Variants in ZNF146 observed in about 807,000 individuals in gnomAD.
ZNF146 encodes the protein zinc finger protein OZF.
ZNF146 carries 9 observed loss-of-function variants against 22.2 expected under a neutral mutation model. That is an observed-to-expected ratio of 0.41 (90% CI 0.24 to 0.71). The LOEUF (loss-of-function observed/expected upper bound fraction) is 0.71, where lower values mean the gene tolerates loss of function less well. Among genes scored for constraint, ZNF146 ranks in the 30% least tolerant of loss-of-function variants. The pLI is 0.34. For missense variants in ZNF146, 194 were observed against 344.8 expected (o/e 0.56, Z 3.46); for synonymous variants, 108 against 119.2 (o/e 0.91, Z 0.61).
chr19:36,221,368 A>G (rs1284021541), intron 2 of ZNF146, among the ~76,000 whole-genome samples: 1 of 139,870 alleles, frequency 7.1e-6, no homozygotes, highest in African/African-American at 2.8e-5. Context: ...GGCTCACTGC[A>G]AGCTCCGCCT....
intron 2 of ZNF146, among the ~76,000 whole-genome samples, chr19:36,228,270 T>TG (rs1977168810): frequency 1.1e-5 from 1 of 89,370 alleles, no homozygotes; most frequent in African/African-American, 4.8e-5. Flanking sequence ...TCAGAACAAC[T>TG]TCTTCACATT....
chr19:36,236,265 T>G lies in ZNF146; in HGVS notation c.-176T>G. 1.4e-6 allele frequency: 1 copy of G among 732,428 alleles called. No individual in the cohort carries two copies. The highest frequency in any genetic ancestry group is 2.1e-6 in the Non-Finnish European group (1 of 472,086). 45.4% of individuals were successfully genotyped at this position (732,428 alleles called of 1,614,324 possible). On this transcript the variant is annotated 5_prime_UTR_variant, in exon 4 of 4. Coordinates refer to ENST00000443387, the MANE Select transcript of ZNF146 (RefSeq NM_007145.3). ...GAGAGAAAGCATTGAATATACTGAG[T>G]ATGATAACATTTCCTCTCAAACCTT...
At chr19:36,232,069 G>T (rs1977399360) in intron 3 of ZNF146, among the ~76,000 whole-genome samples, 1 of 151,818 alleles carries the variant, frequency 6.6e-6, no homozygotes, top group African/African-American at 2.4e-5. Flanking sequence ...TGGGCGTGGT[G>T]ATGCACACCT....
chr19:36,225,482 G>T (rs2087516970), intron 2 of ZNF146, among the ~76,000 whole-genome samples: 1 of 151,344 alleles, frequency 6.6e-6, no homozygotes, highest in Non-Finnish European at 1.5e-5. Flanking sequence ...TTATGTTTCA[G>T]TTTTCATCTG....
In ZNF146 at chr19:36,236,318, T is replaced by C; in HGVS notation, c.-123T>C. ...CCCTTACTCTGCATTTGGGAGATCA[T>C]ACACAGAGAAGCCTTATAAATGTAA... On this transcript the variant is annotated 5_prime_UTR_variant, in exon 4 of 4. Coordinates refer to ENST00000443387, the MANE Select transcript of ZNF146 (RefSeq NM_007145.3). 8.5e-7 allele frequency: 1 copy of C among 1,176,366 alleles called. No individual in the cohort carries two copies. Among genetic ancestry groups the C allele is most frequent in the South Asian group, 1.6e-5 (1 of 61,268 alleles). 72.9% of individuals were successfully genotyped at this position (1,176,366 alleles called of 1,614,324 possible). A position where few individuals can be genotyped will look rare whatever the true frequency, so the allele number is the denominator to read the frequency against.
upstream of ZNF146, chr19:36,214,743 C>T (rs567877851): frequency 1.3e-5 from 2 of 152,400 alleles, no homozygotes; most frequent in South Asian, 2.1e-4. Context: ...GCTAGATCGG[C>T]CACGGACAGA....
intron 2 of ZNF146, among the ~76,000 whole-genome samples, chr19:36,227,874 A>C: frequency 6.6e-6 from 1 of 152,164 alleles, no homozygotes; most frequent in East Asian, 1.9e-4. Context: ...TCTAATATGA[A>C]ATAGGACACG....
Position 36,237,175 on chromosome 19 carries a change from TG to T in ZNF146, c.738del (p.Ala248LeufsTer12). ...GEKPYGCNEC[G>X]KAFSQFSTLA... ...AGAAGCCCTATGGTTGTAATGAATG[TG>T]GGAAAGCTTTCTCTCAGTTCTCAAC... On this transcript the variant is annotated frameshift_variant, in exon 4 of 4. Transcript: ENST00000443387. LOFTEE classifies it high-confidence loss of function. 6.2e-7 allele frequency: 1 copy of T among 1,614,156 alleles called. No individual in the cohort carries two copies. The highest frequency in any genetic ancestry group is 8.5e-7 in the Non-Finnish European group (1 of 1,180,000).
intron 2 of ZNF146, among the ~76,000 whole-genome samples, chr19:36,226,798 C>A (rs2083613358): frequency 6.6e-6 from 1 of 152,158 alleles, no homozygotes. Flanking sequence ...TAAAAAAATT[C>A]TTTTGGGCCA....
At chr19:36,215,856 A>C (rs914804852) in intron 1 of ZNF146, among the ~76,000 whole-genome samples, 2 of 152,186 alleles carry the variant, frequency 1.3e-5, no homozygotes, top group Non-Finnish European at 2.9e-5. Flanking sequence ...GTTTTAGGTT[A>C]GGCACAGTTA....
intron 3 of ZNF146, among the ~76,000 whole-genome samples, chr19:36,230,433 A>C (rs376908897): frequency 6.6e-6 from 1 of 152,354 alleles, no homozygotes; most frequent in East Asian, 1.9e-4. Flanking sequence ...GATAGTGATA[A>C]GTGCTATGGA....
At chr19:36,231,833 G>A (rs531287823) in intron 3 of ZNF146, among the ~76,000 whole-genome samples, 38 of 151,990 alleles carry the variant, frequency 2.5e-4, no homozygotes, top group African/African-American at 7.2e-4. Context: ...ATCTGTAGGC[G>A]AGGCGGCAGA....
rs894225130 is a variant in ZNF146 at position 36,237,099 on chromosome 19, C to G, written c.659C>G (p.Ala220Gly). 1 of 1,614,166 alleles carries G rather than the reference C, an allele frequency of 6.2e-7. No individual in the cohort carries two copies. Reference protein sequence around the residue: ...KPYECNVCGKAFSQSSSLTVH... With the variant: ...KPYECNVCGKGFSQSSSLTVH... ...TACGAATGCAATGTTTGTGGAAAAG[C>G]CTTCTCTCAGAGCTCATCTCTCACT... Residue 220 changes from alanine (A) to glycine (G), a missense_variant, in exon 4 of 4, where the codon GCC (alanine) becomes GGC (glycine). By Grantham distance (60) the Ala-to-Gly change is moderately conservative (BLOSUM62 0). This residue lies in a region of ZNF146 where 147 missense variants were observed against 300.1 expected (regional missense o/e 0.49). Coordinates refer to ENST00000443387, the MANE Select transcript of ZNF146 (RefSeq NM_007145.3).
At chr19:36,217,049 C>A (rs1976639101) in intron 1 of ZNF146, among the ~76,000 whole-genome samples, 1 of 130,898 alleles carries the variant, frequency 7.6e-6, no homozygotes, top group Non-Finnish European at 1.6e-5. Flanking sequence ...GACAGCCAGT[C>A]CCTGTCTTTT....
Position 36,218,188 on chromosome 19 carries a change from G to GA in ZNF146, c.-861dup, listed in dbSNP as rs908606350. The GA allele has an allele frequency of 1.3e-5, 2 of 149,554 alleles. No homozygotes were observed. The highest frequency in any genetic ancestry group is 6.7e-5 in the Admixed American group (1 of 14,890). The allele number at this position is 149,554 out of a possible 1,614,324, so 9.3% of individuals were successfully genotyped here. A position where few individuals can be genotyped will look rare whatever the true frequency, so the allele number is the denominator to read the frequency against. The stretch of plus-strand genomic sequence containing the variant: ...TTCCTCTGCCACTTTTTACCTTGGG[G>GA]ACCTCAGGTAGGTACTTAAACCTTG... On this transcript the variant is annotated 5_prime_UTR_variant, in exon 2 of 4. Coordinates refer to ENST00000443387, the MANE Select transcript of ZNF146 (RefSeq NM_007145.3).
chr19:36,236,367 A>G lies in ZNF146; in HGVS notation c.-74A>G. On this transcript the variant is annotated 5_prime_UTR_variant, in exon 4 of 4. Coordinates refer to ENST00000443387, the MANE Select transcript of ZNF146 (RefSeq NM_007145.3). Reference sequence around the variant, plus strand: ...AAGAGATGTGGAAATATCTTCAGCCAAAAGTAAATCCTCACTCATCAAGAA... The same window carrying G: ...AAGAGATGTGGAAATATCTTCAGCCGAAAGTAAATCCTCACTCATCAAGAA... 1 of 1,512,746 alleles carries G rather than the reference A, an allele frequency of 6.6e-7. No individual in the cohort carries two copies. The highest frequency in any genetic ancestry group is 8.9e-7 in the Non-Finnish European group (1 of 1,129,796). The allele number at this position is 1,512,746 out of a possible 1,614,324, so 93.7% of individuals were successfully genotyped here. A position where few individuals can be genotyped will look rare whatever the true frequency, so the allele number is the denominator to read the frequency against.
At position 36,237,084 on chromosome 19, in the gene ZNF146, A is replaced by T; in HGVS notation, c.644A>T (p.Asn215Ile). 1.2e-6 allele frequency: 2 copies of T among 1,614,170 alleles called. No individual in the cohort carries two copies. The highest frequency in any genetic ancestry group is 2.2e-5 in the South Asian group (2 of 91,078). The change falls in exon 4 of 4, where the codon AAT becomes ATT. Residue 215 changes from asparagine to isoleucine, a missense_variant. Around this residue, in one of 2 missense-constraint regions of ZNF146, gnomAD observed 147 missense variants for 300.1 expected, o/e 0.49. Coordinates refer to ENST00000443387, the MANE Select transcript of ZNF146 (RefSeq NM_007145.3). The part of the protein sequence containing the change: ...IHSGDKPYEC[N>I]VCGKAFSQSS... ...TCAGGTGATAAACCTTACGAATGCA[A>T]TGTTTGTGGAAAAGCCTTCTCTCAG... is the stretch of plus-strand genomic sequence containing the variant.
At chr19:36,228,976 T>G (rs545770683) in intron 3 of ZNF146, among the ~76,000 whole-genome samples, 157 bp downstream of exon 3, 22 of 152,202 alleles carry the variant, frequency 1.4e-4, no homozygotes, top group Non-Finnish European at 1.8e-4. Flanking sequence ...CATTTTTGTG[T>G]GTTTCATTAT....
intron 2 of ZNF146, among the ~76,000 whole-genome samples, chr19:36,228,113 T>C (rs1204689394): frequency 1.4e-5 from 2 of 147,200 alleles, no homozygotes; most frequent in Admixed American, 1.4e-4. Flanking sequence ...TGGGCTGAGA[T>C]TGCACAATTG....
Sources: allele counts gnomAD v4.1 joint callset (sites outside exome capture counted in the v4.1 genomes callset), GRCh38; gene constraint gnomAD v4.1.1; regional missense constraint gnomAD v4.1.1; transcripts MANE v1.5; gene names NCBI Gene and HGNC (gene_info 2026-07-23, HGNC 2026-07-21).